Variants in DLGAP4 observed in about 807,000 individuals in gnomAD.
The protein encoded by DLGAP4 is DLG associated protein 4.
A neutral mutation model predicts 86.9 loss-of-function variants in DLGAP4; 18 were observed. The ratio of observed to expected loss-of-function variants is 0.21; its 90% CI spans 0.14 to 0.31. The LOEUF (loss-of-function observed/expected upper bound fraction) is 0.31. Among genes scored for constraint, DLGAP4 ranks in the 10% least tolerant of loss-of-function variants. The pLI is 1.00. For synonymous variants in DLGAP4, 548 were observed against 574.3 expected (o/e 0.95, Z 0.65); for missense variants, 1,085 against 1,362.6 (o/e 0.80, Z 3.21).
intron 2 of DLGAP4, among the ~76,000 whole-genome samples, chr20:36,403,950 C>T (rs2032237185): frequency 6.6e-6 from 1 of 152,212 alleles, no homozygotes; most frequent in South Asian, 2.1e-4. Flanking sequence ...TCCCCCAGAG[C>T]AAGAGATCCA....
At chr20:36,395,095 C>T (rs530124101) in intron 2 of DLGAP4, among the ~76,000 whole-genome samples, 5 of 152,272 alleles carry the variant, frequency 3.3e-5, no homozygotes, top group Admixed American at 2.0e-4. Flanking sequence ...GCTGCACCTC[C>T]ATTCCACATT....
At chr20:36,361,356 C>A (rs868927039) in intron 1 of DLGAP4, among the ~76,000 whole-genome samples, 1 of 152,126 alleles carries the variant, frequency 6.6e-6, no homozygotes, top group South Asian at 2.1e-4. Context: ...TTTAACTGGG[C>A]CTGAGGTGGC....
At position 36,525,944 on chromosome 20, in the gene DLGAP4, G is replaced by C. The variant is rs1286636029; in HGVS notation, c.2698G>C (p.Asp900His). 1 of 1,613,990 alleles carries C rather than the reference G, an allele frequency of 6.2e-7. No homozygotes were observed. The highest frequency in any genetic ancestry group is 1.7e-5 in the Admixed American group (1 of 60,010). ...LSIEDISMKF[D>H]ELYHLKANSW... ...CATCGAGGATATCAGCATGAAGTTCGATGAACTCTACCACCTCAAGGCCAA... is the reference window on the plus strand; with the variant it reads ...CATCGAGGATATCAGCATGAAGTTCCATGAACTCTACCACCTCAAGGCCAA... The change falls in exon 12 of 13, where the codon GAT becomes CAT. Residue 900 changes from aspartate to histidine, a missense_variant. Physicochemically the swap from Asp to His is moderately conservative, Grantham distance 81. Around this residue, in one of 2 missense-constraint regions of DLGAP4, gnomAD observed 1,082 missense variants for 1,344.1 expected, o/e 0.81. Transcript: ENST00000339266.
At chr20:36,404,588 G>A (rs1048366277) in intron 2 of DLGAP4, among the ~76,000 whole-genome samples, 11 of 152,158 alleles carry the variant, frequency 7.2e-5, no homozygotes, top group African/African-American at 1.9e-4. Flanking sequence ...GCTCCTCTAC[G>A]AGAGACCGTG....
At chr20:36,525,742 C>A in intron 11 of DLGAP4, 109 bp from the exon 12 acceptor site, 2 of 1,462,590 alleles carry the variant, frequency 1.4e-6, no homozygotes, top group Non-Finnish European at 1.9e-6. Flanking sequence ...GCCTCAAGAG[C>A]CCCCGCGGGT....
At chr20:36,342,640 G>A (rs1380702216) in intron 1 of DLGAP4, among the ~76,000 whole-genome samples, 3 of 152,250 alleles carry the variant, frequency 2.0e-5, no homozygotes, top group African/African-American at 7.2e-5. Flanking sequence ...GTCAATGCAG[G>A]GCAGGGCTGG....
At chr20:36,460,931 T>C (rs943478172) in intron 7 of DLGAP4, among the ~76,000 whole-genome samples, 1 of 152,178 alleles carries the variant, frequency 6.6e-6, no homozygotes, top group African/African-American at 2.4e-5. Context: ...TCTAGGACTC[T>C]GGGTTAGCAA....
At chr20:36,468,538 C>T (rs1266819383) in intron 7 of DLGAP4, among the ~76,000 whole-genome samples, 1 of 152,274 alleles carries the variant, frequency 6.6e-6, no homozygotes, top group East Asian at 1.9e-4. Context: ...ATCATTCTCT[C>T]TGTGTGCAGC....
Position 36,517,831 on chromosome 20 carries a change from A to G in DLGAP4, c.2513-6419A>G, listed in dbSNP as rs559370875. 1.1e-3 allele frequency among the ~76,000 whole-genome samples: 173 copies of G among 152,240 alleles called. 1 individual carries two copies. The highest frequency in any genetic ancestry group is 5.3e-4 in the Non-Finnish European group (36 of 68,020). On this transcript the variant is annotated intron_variant, in intron 10 of 12. Coordinates refer to ENST00000339266, the MANE Select transcript of DLGAP4 (RefSeq NM_001365621.2). ...TTTGTTCATGAGACATTGGCTTGTA[A>G]TCTTTCCTTTCTATCCTTGTCCTGT... is the stretch of plus-strand genomic sequence containing the variant.
At chr20:36,503,782 A>G (rs2036249887) in intron 10 of DLGAP4, among the ~76,000 whole-genome samples, 1 of 152,212 alleles carries the variant, frequency 6.6e-6, no homozygotes, top group Admixed American at 6.5e-5. Context: ...GGCGTGAGCC[A>G]CTGCACCCGG....
chr20:36,385,567 C>A (rs1455774488), intron 2 of DLGAP4, among the ~76,000 whole-genome samples: 1 of 152,212 alleles, frequency 6.6e-6, no homozygotes, highest in Non-Finnish European at 1.5e-5. Context: ...GGGGCAGCAC[C>A]TGGCAGTCCC....
At chr20:36,423,676 T>C (rs931538718) in intron 2 of DLGAP4, among the ~76,000 whole-genome samples, 2 of 151,498 alleles carry the variant, frequency 1.3e-5, no homozygotes, top group Admixed American at 6.6e-5. Context: ...AACCTTATTA[T>C]AATTTTTAAA....
chr20:36,462,689 T>C, intron 7 of DLGAP4: 1 of 1,497,912 alleles, frequency 6.7e-7, no homozygotes, highest in South Asian at 1.3e-5. Flanking sequence ...GGGCAAGGGC[T>C]GGCGCTAGGG....
intron 7 of DLGAP4, chr20:36,462,067 TG>T: frequency 1.0e-6 from 1 of 990,338 alleles, no homozygotes; most frequent in Non-Finnish European, 1.2e-6. Context: ...GCACATCCTT[TG>T]GGGGTTCTGC....
intron 1 of DLGAP4, among the ~76,000 whole-genome samples, chr20:36,349,190 G>A (rs551823904): frequency 2.0e-5 from 3 of 150,974 alleles, no homozygotes; most frequent in East Asian, 3.9e-4. Context: ...AGGCTGAGGC[G>A]GGTGGATCCC....
intron 10 of DLGAP4, among the ~76,000 whole-genome samples, chr20:36,516,533 G>A (rs2037045788): frequency 6.6e-6 from 1 of 151,930 alleles, no homozygotes; most frequent in African/African-American, 2.4e-5. Flanking sequence ...GGGCGTGGTG[G>A]CGTGCACCTG....
At chr20:36,445,058 G>A (rs1376352583) in intron 6 of DLGAP4, among the ~76,000 whole-genome samples, 2 of 152,140 alleles carry the variant, frequency 1.3e-5, no homozygotes, top group Non-Finnish European at 2.9e-5. Context: ...CTGGGCTCAA[G>A]TTACTGGGAC....
intron 10 of DLGAP4, among the ~76,000 whole-genome samples, chr20:36,524,022 T>C (rs2037547500): frequency 6.6e-6 from 1 of 152,246 alleles, no homozygotes; most frequent in African/African-American, 2.4e-5. Context: ...TCAGTTTTCA[T>C]ATTTGTTGCC....
chr20:36,447,723 G>C (rs138467710), intron 7 of DLGAP4, among the ~76,000 whole-genome samples: 2 of 151,748 alleles, frequency 1.3e-5, no homozygotes, highest in Non-Finnish European at 2.9e-5. Context: ...GCCCAGCCCT[G>C]GATTCTTGTT....
Sources: gnomAD v4.1 joint callset for allele counts (sites outside exome capture counted in the v4.1 genomes callset) on GRCh38, gnomAD v4.1.1 for gene constraint, gnomAD v4.1.1 regional missense constraint, MANE v1.5 for transcripts, NCBI Gene and HGNC (gene_info 2026-07-23, HGNC 2026-07-21) for gene names.